CELF4: variants seen among roughly 807,000 people sequenced by gnomAD.
CELF4 encodes the protein CUG-BP- and ETR-3-like factor 4.
CELF4 carries 18 observed loss-of-function variants against 59.9 expected under a neutral mutation model. The ratio of observed to expected loss-of-function variants is 0.30; its 90% confidence interval spans 0.21 to 0.45. CELF4 has a LOEUF of 0.45. Among genes scored for constraint, CELF4 ranks in the 20% least tolerant of loss-of-function variants. The pLI is 1.00. For synonymous variants in CELF4, 261 were observed against 267.1 expected (o/e 0.98, Z 0.22); for missense variants, 456 against 689.0 (o/e 0.66, Z 3.79).
chr18:37,311,295 G>A (rs2096637215), intron 3 of CELF4, among the ~76,000 whole-genome samples: 1 of 152,136 alleles, frequency 6.6e-6, no homozygotes, highest in South Asian at 2.1e-4. Context: ...TATAATGTGT[G>A]CCTGCTCCGC....
intron 2 of CELF4, among the ~76,000 whole-genome samples, chr18:37,375,292 G>T (rs2098955004): frequency 6.6e-6 from 1 of 152,210 alleles, no homozygotes; most frequent in East Asian, 1.9e-4. Context: ...ATTTACAAAA[G>T]TGCTCAGTGA....
intron 3 of CELF4, among the ~76,000 whole-genome samples, chr18:37,309,944 A>G (rs1285782498): frequency 6.6e-6 from 1 of 151,116 alleles, no homozygotes; most frequent in Non-Finnish European, 1.5e-5. Flanking sequence ...AGCCTTCCTT[A>G]TCCCATTCCA....
intron 3 of CELF4, among the ~76,000 whole-genome samples, chr18:37,279,056 C>A (rs151064526): frequency 9.2e-5 from 14 of 152,340 alleles, no homozygotes; most frequent in Admixed American, 2.6e-4. Context: ...CACACAGCCC[C>A]TGACTCCTGG....
intron 2 of CELF4, among the ~76,000 whole-genome samples, chr18:37,352,280 C>T (rs1214862274): frequency 6.6e-6 from 1 of 152,198 alleles, no homozygotes; most frequent in African/African-American, 2.4e-5. Flanking sequence ...TCAGTTCATG[C>T]TGGCACAGCC....
chr18:37,271,235 A>G (rs2154348951), intron 7 of CELF4, among the ~76,000 whole-genome samples: 1 of 143,194 alleles, frequency 7.0e-6, no homozygotes, highest in East Asian at 2.0e-4. Flanking sequence ...CTGTAACCAC[A>G]CTTGGTCTTC....
intron 2 of CELF4, among the ~76,000 whole-genome samples, chr18:37,377,394 CAGAA>C (rs1158811732): frequency 6.6e-6 from 1 of 152,180 alleles, no homozygotes; most frequent in Non-Finnish European, 1.5e-5. Flanking sequence ...AAAAAAGAAA[CAGAA>C]GGAAGAAAAT....
At chr18:37,524,718 C>T (rs1050012744) in intron 1 of CELF4, among the ~76,000 whole-genome samples, 12 of 152,216 alleles carry the variant, frequency 7.9e-5, no homozygotes, top group African/African-American at 2.9e-4. Context: ...AGGGCGGGAA[C>T]GCGGAGGGAG....
chr18:37,468,259 C>T (rs1024271771), intron 2 of CELF4, among the ~76,000 whole-genome samples: 2 of 152,186 alleles, frequency 1.3e-5, no homozygotes, highest in East Asian at 1.9e-4. Context: ...TCAAACAATG[C>T]AGCTCAACGG....
At position 37,469,508 on chromosome 18, in the gene CELF4, C is replaced by T. The variant is rs151054836; in HGVS notation, c.369+16017G>A. ...TTCGTTTTAAGAGATTTCCTGTTGG[C>T]AGGATTCAAAGCCCACACCTGCAGC... On this transcript the variant is annotated intron_variant, in intron 2 of 12. Coordinates refer to ENST00000420428, the MANE Select transcript of CELF4 (RefSeq NM_020180.4). Among the ~76,000 whole-genome samples the T allele has an allele frequency of 3.0e-3, 460 of 152,294 alleles. 3 individuals are homozygous for T. Among genetic ancestry groups the T allele is most frequent in the Non-Finnish European group, 5.1e-3 (345 of 68,022 alleles).
chr18:37,363,639 G>T (rs2098738113), intron 2 of CELF4, among the ~76,000 whole-genome samples: 1 of 152,138 alleles, frequency 6.6e-6, no homozygotes, highest in African/African-American at 2.4e-5. Context: ...GGTGTCATAG[G>T]GTATGGGTTT....
chr18:37,424,126 C>T (rs527453887), intron 2 of CELF4, among the ~76,000 whole-genome samples: 10 of 152,232 alleles, frequency 6.6e-5, no homozygotes, highest in South Asian at 4.2e-4. Context: ...TACTTTTGCA[C>T]GAACCTAATA....
At chr18:37,286,737 C>A (rs1569529950) in intron 3 of CELF4, among the ~76,000 whole-genome samples, 2 of 152,202 alleles carry the variant, frequency 1.3e-5, no homozygotes. Flanking sequence ...AGAGACTGAT[C>A]TGGCGGCTGC....
chr18:37,391,531 A>C (rs192985144), intron 2 of CELF4, among the ~76,000 whole-genome samples: 183 of 151,884 alleles, frequency 1.2e-3, no homozygotes, highest in African/African-American at 4.1e-3. Flanking sequence ...CGGGCTGGGC[A>C]CCCTCCACCC....
intron 2 of CELF4, among the ~76,000 whole-genome samples, chr18:37,322,421 A>C (rs2097155719): frequency 6.6e-6 from 1 of 152,210 alleles, no homozygotes; most frequent in African/African-American, 2.4e-5. Context: ...TCCATGGTTA[A>C]AGCAGAGCTC....
At chr18:37,300,854 G>T (rs949601136) in intron 3 of CELF4, among the ~76,000 whole-genome samples, 1 of 152,220 alleles carries the variant, frequency 6.6e-6, no homozygotes, top group Non-Finnish European at 1.5e-5. Flanking sequence ...GCATCTGGGG[G>T]TGCCTGGCAG....
At chr18:37,247,563 G>A (rs2062782194) in intron 12 of CELF4, 2 of 152,190 alleles carry the variant, frequency 1.3e-5, no homozygotes, top group African/African-American at 2.4e-5. Context: ...CAAATCATAA[G>A]AGAACTGAAA....
rs1007493318 is a variant in CELF4, at chr18:37,280,469, G to A, written c.449-5226C>T. ...GAGAGTCCAGAGTCTTTGGTCTATG[G>A]GCCCAGAGCCTCTTCATTGGAGCCC... On this transcript the variant is annotated intron_variant, in intron 3 of 12. Transcript: ENST00000420428. 5.8e-4 allele frequency among the ~76,000 whole-genome samples: 88 copies of A among 152,144 alleles called. 5 individuals are homozygous for A.
Position 37,315,092 on chromosome 18 carries a change from G to A in CELF4, c.448+6711C>T, listed in dbSNP as rs540600904. ...TTCCTGGAGAGGGTGGCAGACCCTG[G>A]AAGGTGGTTTTCTTTCTTGCTGTGT... On this transcript the variant is annotated intron_variant, in intron 3 of 12. Transcript: ENST00000420428. 2.0e-5 allele frequency among the ~76,000 whole-genome samples: 3 copies of A among 152,240 alleles called. No homozygotes were observed. The South Asian group carries it at 6.2e-4, about 32-fold the overall frequency.
At chr18:37,503,500 C>T (rs1336336729) in intron 1 of CELF4, among the ~76,000 whole-genome samples, 1 of 152,174 alleles carries the variant, frequency 6.6e-6, no homozygotes, top group African/African-American at 2.4e-5. Context: ...GAGCCCCTTC[C>T]ACATCCTGTG....
Sources: gnomAD v4.1 joint callset for allele counts (sites outside exome capture counted in the v4.1 genomes callset) on GRCh38, gnomAD v4.1.1 for gene constraint, MANE v1.5 for transcripts, NCBI Gene and HGNC (gene_info 2026-07-23, HGNC 2026-07-21) for gene names.